Variants in GNG2 observed in about 807,000 individuals in gnomAD.
The protein encoded by GNG2 is guanine nucleotide-binding protein G(I)/G(S)/G(O) subunit gamma-2.
Under a neutral mutation model 5.5 loss-of-function variants are expected in GNG2, and 5 were observed. The ratio of observed to expected loss-of-function variants is 0.91; its 90% CI spans 0.48 to 1.92. The LOEUF is 1.92. GNG2 is among the 30% of genes most tolerant of loss of function. GNG2 has a pLI of 0.01. For synonymous variants in GNG2, 28 were observed against 32.0 expected (o/e 0.88, Z 0.42); for missense variants, 55 against 88.4 (o/e 0.62, Z 1.52).
At chr14:51,932,190 T>C (rs1447968734) in intron 2 of GNG2, among the ~76,000 whole-genome samples, 1 of 124,142 alleles carries the variant, frequency 8.1e-6, no homozygotes, top group Non-Finnish European at 1.6e-5. Context: ...GAGCTTGCAG[T>C]GAGCCAAGAT....
intron 2 of GNG2, among the ~76,000 whole-genome samples, chr14:51,829,834 C>G (rs1255173614): frequency 7.2e-6 from 1 of 138,798 alleles, no homozygotes; most frequent in Non-Finnish European, 1.6e-5. Flanking sequence ...GTTGATCACT[C>G]CCTACTTCTT....
chr14:51,872,042 G>A, intron 1 of GNG2, among the ~76,000 whole-genome samples: 1 of 152,204 alleles, frequency 6.6e-6, no homozygotes, highest in East Asian at 1.9e-4. Context: ...AGTGGTTGAA[G>A]GATAGAAGTG....
rs147951311 is a variant in GNG2 at position 51,889,324 on chromosome 14, G to T, written c.-30+11667G>T. Among the ~76,000 whole-genome samples the T allele has an allele frequency of 3.4e-4, 52 of 152,148 alleles. No individual in the cohort carries two copies. In the East Asian group the frequency reaches 7.4e-3, roughly 22 times the overall value. ...GACGGGGTTTCACCATGTTGGCCAG[G>T]ATGGTCACAAACTCCTGACCTCAAG... On this transcript the variant is annotated intron_variant, in intron 2 of 3. Coordinates refer to ENST00000556766, the MANE Select transcript of GNG2 (RefSeq NM_053064.5).
At chr14:51,854,250 G>A (rs1882046424) in intron 2 of GNG2, among the ~76,000 whole-genome samples, 1 of 152,176 alleles carries the variant, frequency 6.6e-6, no homozygotes, top group African/African-American at 2.4e-5. Context: ...CAGTGTTTCT[G>A]TTTTTATGGT....
intron 2 of GNG2, among the ~76,000 whole-genome samples, chr14:51,852,878 A>G (rs1412995677): frequency 6.6e-6 from 1 of 152,256 alleles, no homozygotes; most frequent in Non-Finnish European, 1.5e-5. Flanking sequence ...CCTTCATAAG[A>G]GCTTTCTACA....
At chr14:51,949,929 C>T (rs911211963) in intron 2 of GNG2, among the ~76,000 whole-genome samples, 5 of 152,122 alleles carry the variant, frequency 3.3e-5, no homozygotes, top group Non-Finnish European at 7.4e-5. Flanking sequence ...GAAACCATCT[C>T]GCAATCTGCC....
At chr14:51,877,697 T>G (rs1002679069) in intron 2 of GNG2, 40 bp downstream of exon 2, 1 of 449,172 alleles carries the variant, frequency 2.2e-6, no homozygotes, top group Non-Finnish European at 4.5e-6. Context: ...ATCTTGAATT[T>G]AACCAGAACT....
intron 2 of GNG2, among the ~76,000 whole-genome samples, chr14:51,928,446 A>C (rs1019766779): frequency 1.3e-5 from 2 of 152,172 alleles, no homozygotes; most frequent in African/African-American, 4.8e-5. Context: ...AGCCTCCTAT[A>C]AACATTTTCA....
chr14:51,925,514 A>G (rs1887255553), intron 2 of GNG2, among the ~76,000 whole-genome samples: 1 of 152,216 alleles, frequency 6.6e-6, no homozygotes, highest in African/African-American at 2.4e-5. Context: ...CAAATTAGGA[A>G]GCGCTCAGAA....
intron 2 of GNG2, among the ~76,000 whole-genome samples, chr14:51,931,249 A>T (rs759489493): frequency 6.6e-6 from 1 of 152,208 alleles, no homozygotes; most frequent in Non-Finnish European, 1.5e-5. Context: ...GGTAGGTTGG[A>T]GGTGAGATGT....
chr14:51,956,778 G>T (rs1339900904), intron 3 of GNG2, among the ~76,000 whole-genome samples: 1 of 152,152 alleles, frequency 6.6e-6, no homozygotes, highest in South Asian at 2.1e-4. Flanking sequence ...CTGATGGCTT[G>T]CAAGCATTTT....
chr14:51,909,261 T>A (rs1886145470), intron 2 of GNG2, among the ~76,000 whole-genome samples: 1 of 152,202 alleles, frequency 6.6e-6, no homozygotes, highest in South Asian at 2.1e-4. Context: ...TAATAAAATA[T>A]GAATCGTGTT....
intron 1 of GNG2, among the ~76,000 whole-genome samples, chr14:51,862,087 AAGAGCTAT>A (rs1291326631): frequency 6.6e-6 from 1 of 152,194 alleles, no homozygotes; most frequent in Non-Finnish European, 1.5e-5. Context: ...CTCACTTGTT[AAGAGCTAT>A]AGGGCTATTT....
chr14:51,919,214 T>C (rs557006540), intron 2 of GNG2, among the ~76,000 whole-genome samples: 2 of 152,330 alleles, frequency 1.3e-5, no homozygotes, highest in African/African-American at 4.8e-5. Flanking sequence ...TTAAACTCTA[T>C]TAATTCACAC....
chr14:51,871,611 T>C (rs1444767660), intron 1 of GNG2, among the ~76,000 whole-genome samples: 1 of 152,196 alleles, frequency 6.6e-6, no homozygotes, highest in Non-Finnish European at 1.5e-5. Flanking sequence ...GCCTGAATTG[T>C]AGTGTAATTA....
intron 2 of GNG2, among the ~76,000 whole-genome samples, chr14:51,942,598 T>TCTTTCTTTCTTTCTTTCTTTCTTTC (rs1274953734): frequency 7.5e-6 from 1 of 134,148 alleles, no homozygotes; most frequent in Non-Finnish European, 1.6e-5. Context: ...TCTTTTTTTT[T>TCTTTCTTTCTTTCTTTCTTTCTTTC]TTTTTTTTAG....
intron 2 of GNG2, among the ~76,000 whole-genome samples, chr14:51,924,821 G>GACACGTCCTCTGAAAACATCC (rs1887213541): frequency 6.6e-6 from 1 of 152,148 alleles, no homozygotes; most frequent in Non-Finnish European, 1.5e-5. Flanking sequence ...TCCTGTCCTC[G>GACACGTCCTCTGAAAACATCC]TGCACGTCTG....
chr14:51,887,179 T>C (rs1189472615), intron 2 of GNG2, among the ~76,000 whole-genome samples: 1 of 152,152 alleles, frequency 6.6e-6, no homozygotes, highest in Non-Finnish European at 1.5e-5. Context: ...GCTTTCCTTA[T>C]TCAGAGACAG....
intron 2 of GNG2, among the ~76,000 whole-genome samples, chr14:51,895,573 T>C (rs1885137750): frequency 6.6e-6 from 1 of 152,202 alleles, no homozygotes; most frequent in Non-Finnish European, 1.5e-5. Context: ...CAGATGTAGC[T>C]GAAATTAAGA....
Sources: allele counts gnomAD v4.1 joint callset (sites outside exome capture counted in the v4.1 genomes callset), GRCh38; gene constraint gnomAD v4.1.1; transcripts MANE v1.5; gene names NCBI Gene and HGNC (gene_info 2026-07-23, HGNC 2026-07-21).